The following LYPD6B variants were observed in gnomAD, a reference collection of about 807,000 sequenced individuals.
The protein encoded by LYPD6B is ly6/PLAUR domain-containing protein 6B.
LYPD6B carries 17 observed loss-of-function variants against 22.8 expected under a neutral mutation model. That is an observed-to-expected ratio of 0.75 (90% CI 0.51 to 1.12). The LOEUF (loss-of-function observed/expected upper bound fraction) is 1.12, where lower values mean the gene tolerates loss of function less well. Ranked by LOEUF, LYPD6B falls within the 50% of genes most tolerant of loss-of-function variation. LYPD6B has a pLI of 0.00. For synonymous variants in LYPD6B, 106 were observed against 91.6 expected (o/e 1.16, Z -0.90); for missense variants, 221 against 258.3 (o/e 0.86, Z 0.99).
chr2:149,163,469 C>CAAGGCT (rs1417377782), intron 3 of LYPD6B, among the ~76,000 whole-genome samples: 1 of 152,142 alleles, frequency 6.6e-6, no homozygotes, highest in Non-Finnish European at 1.5e-5. Context: ...AATGCACAGA[C>CAAGGCT]AAAGGCTACC....
intron 1 of LYPD6B, among the ~76,000 whole-genome samples, chr2:149,118,501 T>C (rs1687119983): frequency 6.6e-6 from 1 of 152,176 alleles, no homozygotes; most frequent in Non-Finnish European, 1.5e-5. Context: ...TGGTACACTT[T>C]TTGGGGCTAA....
chr2:149,143,994 A>C (rs1230614631), intron 2 of LYPD6B: 1 of 152,264 alleles, frequency 6.6e-6, no homozygotes, highest in African/African-American at 2.4e-5. Flanking sequence ...ATGAGATGAG[A>C]TCAGTTCAAA....
In LYPD6B at chr2:149,050,344, C is replaced by T. The variant is rs6744430; in HGVS notation, c.-67+11543C>T. 3.3e-3 allele frequency among the ~76,000 whole-genome samples: 496 copies of T among 152,224 alleles called. 3 individuals are homozygous for T. Among genetic ancestry groups the T allele is most frequent in the African/African-American group, 0.011 (471 of 41,532 alleles). ...GCTACATCTACTGCTCTTCATGATC[C>T]ATTTCACCCTGGAGACAGTCTTCTG... On this transcript the variant is annotated intron_variant, in intron 1 of 6. Transcript: ENST00000409642.
intron 1 of LYPD6B, among the ~76,000 whole-genome samples, chr2:149,061,700 T>C (rs1181987587): frequency 1.3e-5 from 2 of 152,298 alleles, no homozygotes; most frequent in South Asian, 2.1e-4. Context: ...TCCTTTTCCC[T>C]GGATTCCTTA....
chr2:149,071,857 A>G (rs1302842192), intron 1 of LYPD6B, among the ~76,000 whole-genome samples: 1 of 152,168 alleles, frequency 6.6e-6, no homozygotes, highest in African/African-American at 2.4e-5. Flanking sequence ...ATGGCTTGCA[A>G]TGGGAAGAAG....
chr2:149,059,038 C>T (rs1413089974), intron 1 of LYPD6B, among the ~76,000 whole-genome samples: 2 of 152,218 alleles, frequency 1.3e-5, no homozygotes, highest in Non-Finnish European at 2.9e-5. Flanking sequence ...ATCTTGTGCC[C>T]TGTTCAGCTC....
chr2:149,052,859 C>G (rs2105291334), intron 1 of LYPD6B, among the ~76,000 whole-genome samples: 1 of 152,226 alleles, frequency 6.6e-6, no homozygotes, highest in East Asian at 1.9e-4. Flanking sequence ...GGAAAATAAA[C>G]ATAAAGAGAA....
intron 1 of LYPD6B, among the ~76,000 whole-genome samples, chr2:149,114,390 C>A (rs1686900841): frequency 6.6e-6 from 1 of 152,078 alleles, no homozygotes; most frequent in Admixed American, 6.5e-5. Context: ...TAAAGGAAAC[C>A]CCCAGTGCAG....
chr2:149,078,613 C>A lies in LYPD6B; in HGVS notation c.-67+39812C>A, dbSNP rs186484115. ...TGTCTCGTTTTAAAATTTGAAAGAA[C>A]AAATAGAAATTTCTAAGATTATTGT... On this transcript the variant is annotated intron_variant, in intron 1 of 6. Coordinates refer to ENST00000409642, the MANE Select transcript of LYPD6B (RefSeq NM_177964.5). 2.1e-4 allele frequency among the ~76,000 whole-genome samples: 32 copies of A among 152,260 alleles called. No homozygotes were observed. In the East Asian group the frequency reaches 3.7e-3, roughly 17 times the overall value.
Position 149,119,600 on chromosome 2 carries a change from C to A in LYPD6B, c.-66-11283C>A, listed in dbSNP as rs80106878. Among the ~76,000 whole-genome samples, 5 of 152,294 alleles carry A rather than the reference C, an allele frequency of 3.3e-5. No homozygotes were observed. The East Asian group carries it at 7.7e-4, about 24-fold the overall frequency. ...AGCCTTCATTACATTGCCTTGGCTC[C>A]GGGCCCGTAGGCACCAGCAGCAAGA... On this transcript the variant is annotated intron_variant, in intron 1 of 6. Coordinates refer to ENST00000409642, the MANE Select transcript of LYPD6B (RefSeq NM_177964.5).
chr2:149,212,146 G>A (rs1267727506), intron 5 of LYPD6B, among the ~76,000 whole-genome samples: 2 of 151,948 alleles, frequency 1.3e-5, no homozygotes, highest in African/African-American at 4.8e-5. Flanking sequence ...GGGAGGCCGA[G>A]GCGGGCGGAT....
intron 1 of LYPD6B, among the ~76,000 whole-genome samples, chr2:149,073,679 G>A (rs944194209): frequency 2.0e-5 from 3 of 151,922 alleles, no homozygotes; most frequent in African/African-American, 7.3e-5. Flanking sequence ...TGACAGACTT[G>A]GGGACCCAAG....
chr2:149,127,846 C>G (rs1357002876), intron 1 of LYPD6B, among the ~76,000 whole-genome samples: 1 of 152,162 alleles, frequency 6.6e-6, no homozygotes, highest in Non-Finnish European at 1.5e-5. Flanking sequence ...TGGAACTACT[C>G]TACTCTTGGT....
intron 1 of LYPD6B, among the ~76,000 whole-genome samples, chr2:149,081,406 T>C (rs1685128287): frequency 6.6e-6 from 1 of 152,212 alleles, no homozygotes; most frequent in Admixed American, 6.5e-5. Flanking sequence ...GTAGGGATAT[T>C]AAATTGTTTT....
chr2:149,133,942 A>G (rs775938108), intron 2 of LYPD6B, among the ~76,000 whole-genome samples: 13 of 152,200 alleles, frequency 8.5e-5, no homozygotes, highest in Admixed American at 2.0e-4. Flanking sequence ...GGGGAGAGGA[A>G]AGACCAACAA....
chr2:149,203,289 TATCTTAG>T (rs1693293599), intron 3 of LYPD6B, among the ~76,000 whole-genome samples: 1 of 152,218 alleles, frequency 6.6e-6, no homozygotes, highest in South Asian at 2.1e-4. Flanking sequence ...CTGAAACCTG[TATCTTAG>T]GCCTTCTCTC....
chr2:149,095,845 CAGAT>C (rs1356448041), intron 1 of LYPD6B, among the ~76,000 whole-genome samples: 3 of 151,126 alleles, frequency 2.0e-5, no homozygotes, highest in South Asian at 2.1e-4. Flanking sequence ...AGACAGGAGA[CAGAT>C]AGACAGAGAG....
At chr2:149,048,333 C>A (rs569535079) in intron 1 of LYPD6B, among the ~76,000 whole-genome samples, 1 of 152,194 alleles carries the variant, frequency 6.6e-6, no homozygotes, top group African/African-American at 2.4e-5. Context: ...TGAGGGTTCT[C>A]ATTCCTCTGG....
intron 1 of LYPD6B, among the ~76,000 whole-genome samples, chr2:149,049,588 C>G (rs1428670023): frequency 1.3e-5 from 2 of 152,202 alleles, no homozygotes; most frequent in Non-Finnish European, 2.9e-5. Context: ...GCTGATTCCT[C>G]CAGCAGTGTT....
Sources: gnomAD v4.1 joint callset for allele counts (sites outside exome capture counted in the v4.1 genomes callset) on GRCh38, gnomAD v4.1.1 for gene constraint, MANE v1.5 for transcripts, NCBI Gene and HGNC (gene_info 2026-07-23, HGNC 2026-07-21) for gene names.